Variants in DGKB observed in about 807,000 individuals in gnomAD.
The protein encoded by DGKB is 90 kDa diacylglycerol kinase.
A neutral mutation model predicts 114.3 loss-of-function variants in DGKB; 67 were observed. That is an observed-to-expected ratio of 0.59 (90% confidence interval 0.48 to 0.72). DGKB has a LOEUF of 0.72. DGKB is among the 30% of genes least tolerant of loss of function. DGKB has a pLI of 0.00. For missense variants in DGKB, 907 were observed against 975.2 expected, an observed-to-expected ratio of 0.93 and a Z score of 0.93; for synonymous variants, 398 against 323.1, an observed-to-expected ratio of 1.23 and a Z score of -2.49.
intron 6 of DGKB, among the ~76,000 whole-genome samples, chr7:14,711,807 G>C (rs1309778677): frequency 2.0e-5 from 3 of 152,082 alleles, no homozygotes; most frequent in African/African-American, 7.2e-5. Flanking sequence ...GAAATGAAAG[G>C]AATTCTGGGC....
Position 14,936,549 on chromosome 7 carries a change from T to C in DGKB, c.-188+38147A>G, listed in dbSNP as rs182116449. 3.4e-4 allele frequency among the ~76,000 whole-genome samples: 52 copies of C among 152,258 alleles called. 1 individual carries two copies. Among genetic ancestry groups the C allele is most frequent in the South Asian group, 2.1e-3 (10 of 4,828 alleles). On this transcript the variant is annotated intron_variant, in intron 1 of 4. Coordinates refer to the DGKB transcript ENST00000437998. ...ATGTCTCAAATGCCTTGCTTTGATT[T>C]GTCTATAATGATTTTTCATGTCTTC...
At chr7:14,322,875 A>C (rs1467643886) in intron 23 of DGKB, among the ~76,000 whole-genome samples, 1 of 152,168 alleles carries the variant, frequency 6.6e-6, no homozygotes, top group African/African-American at 2.4e-5. Flanking sequence ...CAGAACAATA[A>C]ATTAGGATGC....
At position 14,601,514 on chromosome 7, in the gene DGKB, G is replaced by T. The variant is rs368266248; in HGVS notation, c.1433+5920C>A. Among the ~76,000 whole-genome samples the T allele has an allele frequency of 3.4e-4, 52 of 151,820 alleles. 1 individual carries two copies. The East Asian group carries it at 9.1e-3, about 27-fold the overall frequency. On this transcript the variant is annotated intron_variant, in intron 17 of 25. Coordinates refer to ENST00000402815, the MANE Select transcript of DGKB (RefSeq NM_001350709.2). ...ACACATTTCTCTTTCTTTACCAATT[G>T]GCCAGTCTGAGAATTTGTCAAATCC...
intron 2 of DGKB, among the ~76,000 whole-genome samples, chr7:14,766,089 T>A (rs1027507579): frequency 3.9e-5 from 6 of 151,974 alleles, no homozygotes; most frequent in Non-Finnish European, 7.4e-5. Flanking sequence ...AAGACAAATC[T>A]GGAGATAAAG....
chr7:14,819,673 T>G (rs971054960), intron 2 of DGKB, among the ~76,000 whole-genome samples: 2 of 152,140 alleles, frequency 1.3e-5, no homozygotes, highest in Non-Finnish European at 2.9e-5. Context: ...TACCCACATT[T>G]TACGAATGAA....
chr7:14,526,431 G>C (rs1032794736), intron 20 of DGKB, among the ~76,000 whole-genome samples: 29 of 152,028 alleles, frequency 1.9e-4, no homozygotes, highest in Admixed American at 6.6e-5. Flanking sequence ...GTGTTTCAAA[G>C]CAATGAGTTC....
intron 20 of DGKB, among the ~76,000 whole-genome samples, chr7:14,517,729 T>G (rs796781327): frequency 6.6e-6 from 1 of 151,824 alleles, no homozygotes; most frequent in African/African-American, 2.4e-5. Flanking sequence ...CAATAATCAT[T>G]AAAGAAATGA....
intron 2 of DGKB, among the ~76,000 whole-genome samples, chr7:14,792,909 A>C (rs1840879364): frequency 6.6e-6 from 1 of 152,168 alleles, no homozygotes; most frequent in Admixed American, 6.6e-5. Flanking sequence ...TTCGTCAATT[A>C]ATGAACATAC....
intron 23 of DGKB, among the ~76,000 whole-genome samples, chr7:14,304,252 A>AT (rs1326855847): frequency 2.0e-5 from 3 of 151,592 alleles, no homozygotes; most frequent in African/African-American, 4.8e-5. Context: ...TTTATTTTTT[A>AT]TTTTTTTTGA....
At chr7:14,380,506 C>T (rs1465524542) in intron 21 of DGKB, among the ~76,000 whole-genome samples, 1 of 152,048 alleles carries the variant, frequency 6.6e-6, no homozygotes, top group Non-Finnish European at 1.5e-5. Flanking sequence ...AAATATCACT[C>T]ATATTGTTTT....
chr7:14,316,715 A>T (rs1221334535), intron 23 of DGKB, among the ~76,000 whole-genome samples: 1 of 149,686 alleles, frequency 6.7e-6, no homozygotes, highest in South Asian at 2.1e-4. Flanking sequence ...ACAAGGAGGA[A>T]TTGGTACCAT....
chr7:14,286,608 C>T (rs1016263756), intron 23 of DGKB, among the ~76,000 whole-genome samples: 2 of 152,042 alleles, frequency 1.3e-5, no homozygotes, highest in African/African-American at 4.8e-5. Context: ...ATACTCAGTA[C>T]TTTTCTTTGC....
At chr7:14,180,900 TA>T (rs1782544043) in intron 23 of DGKB, among the ~76,000 whole-genome samples, 1 of 152,218 alleles carries the variant, frequency 6.6e-6, no homozygotes, top group South Asian at 2.1e-4. Flanking sequence ...TGGGATGGCC[TA>T]ACCAGCTAGA....
At chr7:14,829,072 T>A (rs754637163) in intron 2 of DGKB, among the ~76,000 whole-genome samples, 50 of 152,166 alleles carry the variant, frequency 3.3e-4, no homozygotes, top group Admixed American at 5.2e-4. Context: ...ATGTGTCTTA[T>A]TGAAAGCTGA....
chr7:14,288,232 T>C (rs73682722), intron 23 of DGKB, among the ~76,000 whole-genome samples: 2 of 140,602 alleles, frequency 1.4e-5, no homozygotes, highest in Non-Finnish European at 3.1e-5. Context: ...TTTTTTTTTT[T>C]AATTTTTTTT....
chr7:14,159,947 A>G (rs970892168), intron 25 of DGKB, among the ~76,000 whole-genome samples: 1 of 152,186 alleles, frequency 6.6e-6, no homozygotes, highest in Non-Finnish European at 1.5e-5. Context: ...TGCTGGAATT[A>G]CACGCAGGAG....
intron 2 of DGKB, among the ~76,000 whole-genome samples, chr7:14,772,549 G>T (rs1837573589): frequency 6.6e-6 from 1 of 152,088 alleles, no homozygotes; most frequent in Non-Finnish European, 1.5e-5. Context: ...AGAAGAGAAA[G>T]CATGCATATT....
chr7:14,172,749 T>G (rs1159960615), intron 25 of DGKB, among the ~76,000 whole-genome samples: 2 of 152,080 alleles, frequency 1.3e-5, no homozygotes, highest in Non-Finnish European at 2.9e-5. Context: ...TGGTCATGTG[T>G]CACTTAAAAT....
At chr7:14,358,821 G>T (rs891788810) in intron 21 of DGKB, among the ~76,000 whole-genome samples, 1 of 152,104 alleles carries the variant, frequency 6.6e-6, no homozygotes, top group African/African-American at 2.4e-5. Flanking sequence ...ACAAATGGAA[G>T]AACATTCCAT....
Sources: gnomAD v4.1 joint callset for allele counts (sites outside exome capture counted in the v4.1 genomes callset) on GRCh38, gnomAD v4.1.1 for gene constraint, MANE v1.5 for transcripts, NCBI Gene and HGNC (gene_info 2026-07-23, HGNC 2026-07-21) for gene names.